The following ZNF670 variants were observed in gnomAD, a reference collection of about 807,000 sequenced individuals.
ZNF670 encodes the protein zinc finger protein 670.
Under a neutral mutation model 10.9 loss-of-function variants are expected in ZNF670, and 7 were observed. The ratio of observed to expected loss-of-function variants is 0.64; its 90% CI spans 0.36 to 1.20. The LOEUF is 1.20. ZNF670 is among the 50% of genes most tolerant of loss of function. The pLI is 0.02. For synonymous variants in ZNF670, 136 were observed against 152.7 expected (o/e 0.89, Z 0.81); for missense variants, 446 against 458.6 (o/e 0.97, Z 0.25).
At chr1:247,078,031 A>G (rs938439750) in intron 1 of ZNF670, among the ~76,000 whole-genome samples, 2 of 152,198 alleles carry the variant, frequency 1.3e-5, no homozygotes, top group African/African-American at 4.8e-5. Context: ...TAACCAGGAG[A>G]TATCTGGCTG....
At chr1:247,052,572 G>A (rs1670622374) in intron 1 of ZNF670, among the ~76,000 whole-genome samples, 2 of 152,050 alleles carry the variant, frequency 1.3e-5, no homozygotes, top group South Asian at 4.1e-4. Flanking sequence ...TTTCTTGAAT[G>A]CTAATTACGC....
intron 1 of ZNF670, chr1:247,042,684 C>T: frequency 3.3e-6 from 1 of 305,802 alleles, no homozygotes. Flanking sequence ...TAAAAGTTGA[C>T]AGCAGTGAAT....
At chr1:247,038,969 C>T (rs776461618) in intron 2 of ZNF670, 99 bp from the exon 3 acceptor site, 1 of 754,682 alleles carries the variant, frequency 1.3e-6, no homozygotes, top group Non-Finnish European at 2.1e-6. Context: ...TAATTTTTTT[C>T]ACCAAAGTAC....
At chr1:247,064,912 C>G (rs1193790958) in intron 1 of ZNF670, among the ~76,000 whole-genome samples, 1 of 151,740 alleles carries the variant, frequency 6.6e-6, no homozygotes, top group Admixed American at 6.5e-5. Flanking sequence ...TCAAATGATC[C>G]TCCTGCCTCC....
chr1:247,043,169 A>G, intron 1 of ZNF670: 1 of 788,896 alleles, frequency 1.3e-6, no homozygotes, highest in East Asian at 3.0e-5. Flanking sequence ...CTGCAGATAC[A>G]TGTTCTACGT....
chr1:247,041,748 T>A (rs1423126660), intron 1 of ZNF670, among the ~76,000 whole-genome samples: 1 of 152,176 alleles, frequency 6.6e-6, no homozygotes, highest in African/African-American at 2.4e-5. Context: ...CACATCAGAA[T>A]CATTAAAATG....
chr1:247,072,776 A>G (rs1671152366), intron 1 of ZNF670, among the ~76,000 whole-genome samples: 2 of 137,408 alleles, frequency 1.5e-5, no homozygotes, highest in African/African-American at 2.7e-5. Flanking sequence ...GACAAGAACG[A>G]AACTCTGTCT....
intron 3 of ZNF670, 120 bp from the exon 4 acceptor site, chr1:247,038,547 T>A: frequency 9.6e-7 from 1 of 1,043,762 alleles, no homozygotes. Flanking sequence ...ATAAATTAAT[T>A]ACTGTAAGAT....
chr1:247,058,039 C>A (rs1030449044), intron 1 of ZNF670, among the ~76,000 whole-genome samples: 2 of 152,128 alleles, frequency 1.3e-5, no homozygotes, highest in African/African-American at 2.4e-5. Context: ...GTTATAGATA[C>A]CCCATTTACC....
intron 1 of ZNF670, among the ~76,000 whole-genome samples, chr1:247,072,600 C>A (rs1312398193): frequency 6.6e-6 from 1 of 151,342 alleles, no homozygotes; most frequent in African/African-American, 2.4e-5. Context: ...GCCTGGCCAA[C>A]ATGGCAAAAC....
chr1:247,054,173 T>C (rs944216249), intron 1 of ZNF670, among the ~76,000 whole-genome samples: 2 of 152,146 alleles, frequency 1.3e-5, no homozygotes, highest in African/African-American at 4.8e-5. Flanking sequence ...GAATTTGAGT[T>C]CTAGCGGGCC....
chr1:247,063,436 A>T (rs1358735416), intron 1 of ZNF670, among the ~76,000 whole-genome samples: 2 of 151,896 alleles, frequency 1.3e-5, no homozygotes, highest in Admixed American at 6.6e-5. Flanking sequence ...ACAAAAAATT[A>T]GCCAGGTGTG....
At chr1:247,072,158 CT>C (rs999859362) in intron 1 of ZNF670, among the ~76,000 whole-genome samples, 19 of 139,430 alleles carry the variant, frequency 1.4e-4, no homozygotes, top group Non-Finnish European at 1.4e-4. Flanking sequence ...CGCCCAGCCA[CT>C]TTTTTTTTTT....
chr1:247,050,825 G>T (rs1273915188), intron 1 of ZNF670, among the ~76,000 whole-genome samples: 2 of 152,032 alleles, frequency 1.3e-5, no homozygotes, highest in East Asian at 3.9e-4. Context: ...GGGGCATTTA[G>T]ATCATTTACA....
chr1:247,048,954 A>T (rs1484751753), intron 1 of ZNF670, among the ~76,000 whole-genome samples: 1 of 152,136 alleles, frequency 6.6e-6, no homozygotes, highest in Non-Finnish European at 1.5e-5. Flanking sequence ...TTTATTTCTT[A>T]TTTAATCTAG....
chr1:247,050,113 G>A (rs1374771027), intron 1 of ZNF670, among the ~76,000 whole-genome samples: 2 of 152,162 alleles, frequency 1.3e-5, no homozygotes, highest in East Asian at 3.9e-4. Flanking sequence ...AGTGCTGTCA[G>A]TGGAGTATTG....
In ZNF670 at chr1:247,036,168, A is replaced by G. The variant is rs1558333754; in HGVS notation, c.*1281T>C. The stretch of plus-strand genomic sequence containing the variant: ...CCACAAATCATCTCAATAGATGCAG[A>G]AAAAAACATGTCATAAGAGTTCAAC... On this transcript the variant is annotated 3_prime_UTR_variant, in exon 4 of 4. Transcript: ENST00000366503. Among the ~76,000 whole-genome samples, 2 of 152,238 alleles carry G rather than the reference A, an allele frequency of 1.3e-5. No homozygotes were observed. The highest frequency in any genetic ancestry group is 6.5e-5 in the Admixed American group (1 of 15,284).
intron 1 of ZNF670, among the ~76,000 whole-genome samples, chr1:247,049,024 T>TAAAGTTGTTG (rs1230881356): frequency 6.6e-6 from 1 of 151,784 alleles, no homozygotes; most frequent in Non-Finnish European, 1.5e-5. Flanking sequence ...TTTGTGCACA[T>TAAAGTTGTTG]AAAGTTGTTG....
intron 1 of ZNF670, among the ~76,000 whole-genome samples, chr1:247,071,140 G>A (rs545510929): frequency 6.6e-6 from 1 of 152,256 alleles, no homozygotes; most frequent in Admixed American, 6.5e-5. Flanking sequence ...AAGGGAATCT[G>A]AATCATTCTA....
Sources: gnomAD v4.1 joint callset for allele counts (sites outside exome capture counted in the v4.1 genomes callset) on GRCh38, gnomAD v4.1.1 for gene constraint, MANE v1.5 for transcripts, NCBI Gene and HGNC (gene_info 2026-07-23, HGNC 2026-07-21) for gene names.